ELOVL7: variants seen among roughly 807,000 people sequenced by gnomAD.
ELOVL7 encodes the protein ELOVL fatty acid elongase 7, also known as very long chain fatty acid elongase 7.
ELOVL7 carries 27 observed loss-of-function variants against 35.7 expected under a neutral mutation model. The ratio of observed to expected loss-of-function variants is 0.76; its 90% CI spans 0.56 to 1.04. The LOEUF (loss-of-function observed/expected upper bound fraction) is 1.04, where lower values mean the gene tolerates loss of function less well. ELOVL7 is among the 50% of genes least tolerant of loss of function. The probability of loss-of-function intolerance (pLI) is 0.00; values close to 1 mark genes in which losing one functional copy is unlikely to be tolerated. For synonymous variants in ELOVL7, 113 were observed against 114.6 expected, an observed-to-expected ratio of 0.99 and a Z score of 0.09; for missense variants, 327 against 340.8, an observed-to-expected ratio of 0.96 and a Z score of 0.32.
At chr5:60,791,555 TA>T (rs1442826928) in intron 2 of ELOVL7, among the ~76,000 whole-genome samples, 2 of 152,138 alleles carry the variant, frequency 1.3e-5, no homozygotes, top group Non-Finnish European at 2.9e-5. Flanking sequence ...TGTGCCAATT[TA>T]GTAGGAAAAC....
At chr5:60,754,896 C>T in intron 8 of ELOVL7, 63 bp from the exon 9 acceptor site, 5 of 1,425,552 alleles carry the variant, frequency 3.5e-6, no homozygotes, top group African/African-American at 1.4e-5. Context: ...TCTTTACCTA[C>T]CTATGTTTAT....
At chr5:60,783,659 A>G (rs1561439238) in intron 3 of ELOVL7, among the ~76,000 whole-genome samples, 1 of 152,228 alleles carries the variant, frequency 6.6e-6, no homozygotes. Flanking sequence ...TTGGTTCCTA[A>G]GCTCAAATAA....
chr5:60,784,359 G>A, intron 3 of ELOVL7: 1 of 418,248 alleles, frequency 2.4e-6, no homozygotes. Context: ...CAAACGCAAG[G>A]AAAGCTGTAT....
intron 2 of ELOVL7, among the ~76,000 whole-genome samples, chr5:60,789,342 C>T (rs1371924355): frequency 6.6e-6 from 1 of 152,170 alleles, no homozygotes; most frequent in Non-Finnish European, 1.5e-5. Context: ...ACAAGTGGCA[C>T]TCAAACATAT....
Position 60,841,579 on chromosome 5 carries a change from A to C in ELOVL7, c.-86+2581T>G, listed in dbSNP as rs187699172. Among the ~76,000 whole-genome samples, 258 of 152,062 alleles carry C rather than the reference A, an allele frequency of 1.7e-3. 2 individuals carry two copies. The highest frequency in any genetic ancestry group is 6.1e-3 in the African/African-American group (252 of 41,462). ...CTTGGGAGCAGTCCAGGCCCACTTC[A>C]CCTTATACAGGTTTTTGTGAAAAGA... is the stretch of plus-strand genomic sequence containing the variant. On this transcript the variant is annotated intron_variant, in intron 1 of 8. Coordinates refer to ENST00000508821, the MANE Select transcript of ELOVL7 (RefSeq NM_024930.3).
chr5:60,812,572 C>G (rs912066119), intron 1 of ELOVL7, among the ~76,000 whole-genome samples: 5 of 152,204 alleles, frequency 3.3e-5, no homozygotes, highest in Non-Finnish European at 7.3e-5. Flanking sequence ...TGTGATTTAG[C>G]ATGGCAGGGA....
At chr5:60,793,753 T>C (rs1329727384) in intron 2 of ELOVL7, among the ~76,000 whole-genome samples, 1 of 152,024 alleles carries the variant, frequency 6.6e-6, no homozygotes, top group Non-Finnish European at 1.5e-5. Flanking sequence ...CTGCATACAA[T>C]ATCCAAGTCC....
chr5:60,816,122 A>G (rs35006499), intron 1 of ELOVL7, among the ~76,000 whole-genome samples: 124,084 of 152,112 alleles, frequency 0.82, 50,836 homozygotes, highest in East Asian at 0.91. Context: ...GCTCATGCCT[A>G]TAATCCCAGC....
chr5:60,754,907 G>T, intron 8 of ELOVL7, 74 bp from the exon 9 acceptor site: 2 of 1,297,988 alleles, frequency 1.5e-6, no homozygotes, highest in Non-Finnish European at 1.1e-6. Context: ...CTATGTTTAT[G>T]CACTCCCAAA....
intron 3 of ELOVL7, among the ~76,000 whole-genome samples, chr5:60,786,960 A>C (rs1171518461): frequency 6.9e-6 from 1 of 145,626 alleles, no homozygotes; most frequent in Non-Finnish European, 1.5e-5. Context: ...CTCTGTCTTA[A>C]AAAAAAAAAA....
chr5:60,794,583 G>T (rs1372184769), intron 2 of ELOVL7, among the ~76,000 whole-genome samples: 1 of 152,210 alleles, frequency 6.6e-6, no homozygotes, highest in Non-Finnish European at 1.5e-5. Flanking sequence ...CAAATGTAGA[G>T]ATTTATTCTA....
Position 60,772,043 on chromosome 5 carries a change from T to A in ELOVL7, c.115A>T (p.Ile39Phe). The A allele has an allele frequency of 2.5e-6, 4 of 1,613,544 alleles. No individual in the cohort carries two copies. The highest frequency in any genetic ancestry group is 3.4e-6 in the Non-Finnish European group (4 of 1,179,730). The change falls in exon 4 of 9, where the codon ATC becomes TTC. Residue 39 changes from isoleucine to phenylalanine, a missense_variant. Coordinates refer to ENST00000508821, the MANE Select transcript of ELOVL7 (RefSeq NM_024930.3). ...AAATAGACATAGAATCCTAGGAGGA[T>A]GGTTTGTGGCAGAGGCGAGGACATG... ...LLMSSPLPQT[I>F]LLGFYVYFVT...
At chr5:60,781,001 G>A (rs1743216759) in intron 3 of ELOVL7, among the ~76,000 whole-genome samples, 1 of 152,200 alleles carries the variant, frequency 6.6e-6, no homozygotes, top group Non-Finnish European at 1.5e-5. Flanking sequence ...CTTGAGGTCA[G>A]GAGTTTGAGA....
intron 1 of ELOVL7, among the ~76,000 whole-genome samples, chr5:60,808,191 GT>G (rs1561458181): frequency 6.6e-6 from 1 of 150,644 alleles, no homozygotes; most frequent in East Asian, 1.9e-4. Flanking sequence ...AATGATAAAG[GT>G]TAAACTAATA....
At chr5:60,821,664 A>G (rs995559137) in intron 1 of ELOVL7, among the ~76,000 whole-genome samples, 1 of 152,238 alleles carries the variant, frequency 6.6e-6, no homozygotes, top group Non-Finnish European at 1.5e-5. Flanking sequence ...TGGCATCTAT[A>G]GCAAACACTC....
chr5:60,760,469 C>T (rs1392163200), intron 7 of ELOVL7, among the ~76,000 whole-genome samples: 2 of 152,112 alleles, frequency 1.3e-5, no homozygotes, highest in African/African-American at 4.8e-5. Context: ...GTCCTTCGCC[C>T]ACTTTTTGAT....
intron 3 of ELOVL7, among the ~76,000 whole-genome samples, chr5:60,786,700 A>G (rs1001641447): frequency 6.6e-6 from 1 of 152,106 alleles, no homozygotes; most frequent in Non-Finnish European, 1.5e-5. Flanking sequence ...TAATCCCAGC[A>G]CTTTGGGAGG....
At chr5:60,814,587 T>C (rs529336969) in intron 1 of ELOVL7, among the ~76,000 whole-genome samples, 1 of 152,306 alleles carries the variant, frequency 6.6e-6, no homozygotes, top group South Asian at 2.1e-4. Flanking sequence ...ACTGACATTA[T>C]CACATTCAAT....
At chr5:60,803,453 C>T (rs1744757973) in intron 1 of ELOVL7, among the ~76,000 whole-genome samples, 1 of 152,206 alleles carries the variant, frequency 6.6e-6, no homozygotes, top group Non-Finnish European at 1.5e-5. Flanking sequence ...TCAGGATAAA[C>T]TAATCTTGAT....
Sources: allele counts gnomAD v4.1 joint callset (sites outside exome capture counted in the v4.1 genomes callset), GRCh38; gene constraint gnomAD v4.1.1; transcripts MANE v1.5; gene names NCBI Gene and HGNC (gene_info 2026-07-23, HGNC 2026-07-21).